The following ZNF704 variants were observed in gnomAD, a reference collection of about 807,000 sequenced individuals.
ZNF704 encodes the protein glucocorticoid induced gene 1.
ZNF704 carries 10 observed loss-of-function variants against 44.7 expected under a neutral mutation model. The observed-to-expected ratio is 0.22, with a 90% CI of 0.14 to 0.38. The LOEUF is 0.38. ZNF704 is among the 10% of genes least tolerant of loss of function. ZNF704 has a pLI of 1.00. For synonymous variants in ZNF704, 211 were observed against 207.6 expected (o/e 1.02, Z -0.14); for missense variants, 390 against 545.5 (o/e 0.71, Z 2.84).
In ZNF704 at chr8:80,630,350, C is replaced by A. The variant is rs1817563082; in HGVS notation, c.*11016G>T. ...AATGACATGTGAATGCCTGTCATTT[C>A]CACACGAGTGTCACACAGGAAGGAC... On this transcript the variant is annotated 3_prime_UTR_variant, in exon 9 of 9. Coordinates refer to ENST00000327835, the MANE Select transcript of ZNF704 (RefSeq NM_001033723.3). The A allele has an allele frequency of 6.6e-6, 1 of 152,228 alleles. No homozygotes were observed. Among genetic ancestry groups the A allele is most frequent in the Non-Finnish European group, 1.5e-5 (1 of 68,036 alleles). 9.4% of individuals were successfully genotyped at this position (152,228 alleles called of 1,614,324 possible).
At chr8:80,816,621 T>C (rs1485680102) in intron 2 of ZNF704, among the ~76,000 whole-genome samples, 1 of 152,178 alleles carries the variant, frequency 6.6e-6, no homozygotes, top group Non-Finnish European at 1.5e-5. Flanking sequence ...TCCCAACAAT[T>C]AGCATCGACA....
intron 2 of ZNF704, among the ~76,000 whole-genome samples, chr8:80,725,602 C>G (rs1286381360): frequency 1.3e-5 from 2 of 152,074 alleles, no homozygotes; most frequent in Non-Finnish European, 2.9e-5. Context: ...AGGGCCCCAG[C>G]AGAGAGGCTT....
intron 1 of ZNF704, among the ~76,000 whole-genome samples, chr8:80,861,256 G>A (rs1809056647): frequency 6.6e-6 from 1 of 152,118 alleles, no homozygotes; most frequent in South Asian, 2.1e-4. Flanking sequence ...CTTGAGCTTT[G>A]ATGACCCCAC....
chr8:80,881,753 T>C, the ZNF704 span, among the ~76,000 whole-genome samples: 7 of 152,036 alleles, frequency 4.6e-5, no homozygotes, highest in East Asian at 1.4e-3. Flanking sequence ...CAAGGCAAAA[T>C]CCCATCTCTA....
At chr8:80,743,997 G>A (rs943655867) in intron 2 of ZNF704, among the ~76,000 whole-genome samples, 3 of 152,146 alleles carry the variant, frequency 2.0e-5, no homozygotes, top group Non-Finnish European at 4.4e-5. Flanking sequence ...AACCCAGTGT[G>A]AGGATTCCAG....
the ZNF704 span, among the ~76,000 whole-genome samples, chr8:80,881,821 G>T: frequency 6.6e-6 from 1 of 152,068 alleles, no homozygotes; most frequent in Non-Finnish European, 1.5e-5. Flanking sequence ...CCAGCTATTC[G>T]GGAGGCTGAG....
At chr8:80,783,418 T>C (rs528796019) in intron 2 of ZNF704, among the ~76,000 whole-genome samples, 1 of 152,206 alleles carries the variant, frequency 6.6e-6, no homozygotes. Flanking sequence ...GCTGCACAGA[T>C]AATCCCATCA....
intron 2 of ZNF704, among the ~76,000 whole-genome samples, chr8:80,760,875 G>C (rs1447866748): frequency 1.3e-5 from 2 of 152,054 alleles, no homozygotes; most frequent in Non-Finnish European, 2.9e-5. Context: ...GCAGAAGCAA[G>C]AGAGCGAGCA....
intron 1 of ZNF704, among the ~76,000 whole-genome samples, chr8:80,833,003 A>C (rs977451659): frequency 6.6e-6 from 1 of 152,208 alleles, no homozygotes; most frequent in African/African-American, 2.4e-5. Context: ...CAAAAAGATA[A>C]GCAAAACTGA....
intron 2 of ZNF704, among the ~76,000 whole-genome samples, chr8:80,733,888 C>A (rs1806622624): frequency 6.6e-6 from 1 of 152,090 alleles, no homozygotes; most frequent in African/African-American, 2.4e-5. Flanking sequence ...AAACTTTGAA[C>A]CCTACAAAAA....
chr8:80,669,256 AC>A (rs2131614433), intron 5 of ZNF704, among the ~76,000 whole-genome samples: 1 of 152,356 alleles, frequency 6.6e-6, no homozygotes, highest in South Asian at 2.1e-4. Flanking sequence ...TGAGCTGCTT[AC>A]ATTGTGAATT....
At chr8:80,777,079 A>G (rs1002917269) in intron 2 of ZNF704, 4 of 152,092 alleles carry the variant, frequency 2.6e-5, no homozygotes, top group African/African-American at 9.7e-5. Flanking sequence ...TCCAATATAA[A>G]TTAGTTCAGT....
intron 1 of ZNF704, among the ~76,000 whole-genome samples, chr8:80,826,402 C>A (rs1808376445): frequency 6.6e-6 from 1 of 152,156 alleles, no homozygotes; most frequent in South Asian, 2.1e-4. Context: ...CCTGAATAGA[C>A]CAATAACAGG....
At chr8:80,849,834 A>G (rs978148756) in intron 1 of ZNF704, among the ~76,000 whole-genome samples, 5 of 152,198 alleles carry the variant, frequency 3.3e-5, no homozygotes, top group African/African-American at 9.7e-5. Flanking sequence ...AGCTTTTTAC[A>G]TTAGGGGCTA....
intron 2 of ZNF704, among the ~76,000 whole-genome samples, chr8:80,724,829 T>A (rs571254031): frequency 6.6e-6 from 1 of 152,320 alleles, no homozygotes; most frequent in South Asian, 2.1e-4. Context: ...CTGATTTCCC[T>A]GCCCTAGTCT....
chr8:80,877,926 G>A (rs74946380), upstream of ZNF704, among the ~76,000 whole-genome samples: 4,116 of 152,252 alleles, frequency 0.027, 204 homozygotes, highest in African/African-American at 0.095. Flanking sequence ...ATTTCAAAGC[G>A]TATTTCTTTA....
intron 1 of ZNF704, among the ~76,000 whole-genome samples, chr8:80,852,744 C>T (rs917153923): frequency 3.3e-5 from 5 of 152,160 alleles, no homozygotes; most frequent in African/African-American, 9.7e-5. Context: ...CACATAATCA[C>T]ATTTGCTAGG....
chr8:80,780,446 G>GT (rs1482244829), intron 2 of ZNF704, among the ~76,000 whole-genome samples: 6 of 152,060 alleles, frequency 3.9e-5, no homozygotes, highest in Non-Finnish European at 1.5e-5. Flanking sequence ...TGTGTATTGA[G>GT]TTGGATGGTG....
At chr8:80,829,047 A>C (rs1323690446) in intron 1 of ZNF704, among the ~76,000 whole-genome samples, 1 of 152,232 alleles carries the variant, frequency 6.6e-6, no homozygotes, top group African/African-American at 2.4e-5. Context: ...GTTTACTTGT[A>C]ACTCATTAAA....
Sources: allele counts gnomAD v4.1 joint callset (sites outside exome capture counted in the v4.1 genomes callset), GRCh38; gene constraint gnomAD v4.1.1; transcripts MANE v1.5; gene names NCBI Gene and HGNC (gene_info 2026-07-23, HGNC 2026-07-21).